The following CCNE2 variants were observed in gnomAD, a reference collection of about 807,000 sequenced individuals.
CCNE2 encodes the protein G1/S-specific cyclin-E2.
In CCNE2, 18 loss-of-function variants were observed where a neutral mutation model predicts 56.8. The observed-to-expected ratio is 0.32, with a 90% CI of 0.22 to 0.47. The LOEUF (loss-of-function observed/expected upper bound fraction) is 0.47. CCNE2 is among the 20% of genes least tolerant of loss of function. CCNE2 has a pLI of 1.00. For synonymous variants in CCNE2, 139 were observed against 149.2 expected (o/e 0.93, Z 0.50); for missense variants, 371 against 467.1 (o/e 0.79, Z 1.90).
At chr8:94,891,613 G>A (rs983805684) in intron 5 of CCNE2, 14 of 410,010 alleles carry the variant, frequency 3.4e-5, no homozygotes, top group African/African-American at 1.7e-4. Context: ...AGCCGAGATC[G>A]TGCCACTGCA....
At chr8:94,887,775 C>T in intron 7 of CCNE2, 152 bp downstream of exon 7, 1 of 471,214 alleles carries the variant, frequency 2.1e-6, no homozygotes, top group East Asian at 3.8e-5. Context: ...ATCATTCATC[C>T]CTGTGGTAAT....
At chr8:94,895,318 G>A, upstream of CCNE2, 4 of 940,772 alleles carry the variant, frequency 4.3e-6, no homozygotes, top group Non-Finnish European at 5.1e-6. Flanking sequence ...CCGCCCGCGT[G>A]CCCGCGCGCC....
chr8:94,881,521 T>C lies in CCNE2; in HGVS notation c.*111A>G. The C allele has an allele frequency of 1.0e-6, 1 of 1,000,444 alleles. No homozygotes were observed. Among genetic ancestry groups the C allele is most frequent in the Non-Finnish European group, 1.5e-6 (1 of 688,872 alleles). The allele number at this position is 1,000,444 out of a possible 1,614,324, so 62.0% of individuals were successfully genotyped here. On this transcript the variant is annotated 3_prime_UTR_variant, in exon 12 of 12. Transcript: ENST00000308108. ...TCAGAATGGCAGTGTAACTTGTGAA[T>C]TGGCTAGGGCAATCAATCACAGCAC...
upstream of CCNE2, chr8:94,896,639 G>C (rs1304490446): frequency 6.6e-6 from 1 of 152,070 alleles, no homozygotes; most frequent in Non-Finnish European, 1.5e-5. Flanking sequence ...GAGCGAGCCG[G>C]ACGGCGAGCG....
Position 94,892,842 on chromosome 8 carries a change from T to C in CCNE2, c.293A>G (p.Asn98Ser), listed in dbSNP as rs774133677. Residue 98 changes from asparagine to serine, a missense_variant, in exon 5 of 12, where the codon AAT becomes AGT. Transcript: ENST00000308108. ...CCTTAAATCAGGCAAAGGTGAAGGA[T>C]TAATAAAAAGATTTTTAAATCTGTA... ...TNYRFKNLFI[N>S]PSPLPDLSWG... 7.6e-6 allele frequency: 11 copies of C among 1,456,918 alleles called. No homozygotes were observed. In the South Asian group the frequency reaches 1.3e-4, roughly 18 times the overall value. The allele number at this position is 1,456,918 out of a possible 1,614,324, so 90.2% of individuals were successfully genotyped here.
At chr8:94,885,836 A>G (rs1395618745) in intron 7 of CCNE2, among the ~76,000 whole-genome samples, 3 of 146,968 alleles carry the variant, frequency 2.0e-5, no homozygotes, top group South Asian at 2.1e-4. Flanking sequence ...CTTGGGTCTC[A>G]GCCTCCCCAG....
intron 5 of CCNE2, chr8:94,891,552 G>T: frequency 3.0e-6 from 1 of 334,014 alleles, no homozygotes; most frequent in Non-Finnish European, 5.7e-6. Flanking sequence ...CAGCTACTCA[G>T]GAGGCTGAGG....
Position 94,881,721 on chromosome 8 carries a change from A to T in CCNE2, c.1126T>A (p.Phe376Ile). 6.2e-7 allele frequency: 1 copy of T among 1,613,708 alleles called. No individual in the cohort carries two copies. The highest frequency in any genetic ancestry group is 8.5e-7 in the Non-Finnish European group (1 of 1,179,826). ...MLEEVNYINT[F>I]RKGGQLSPVC... Reference sequence around the variant, plus strand: ...GGTGACAACTGTCCCCCTTTTCTGAAGGTGTTTATGTAATTTACTTCCTCC... The same window carrying T: ...GGTGACAACTGTCCCCCTTTTCTGATGGTGTTTATGTAATTTACTTCCTCC... Residue 376 changes from phenylalanine to isoleucine, a missense_variant, in exon 12 of 12, where the codon TTC (phenylalanine) becomes ATC (isoleucine). By Grantham distance (21) the Phe-to-Ile change is conservative. Coordinates refer to ENST00000308108, the MANE Select transcript of CCNE2 (RefSeq NM_057749.3).
chr8:94,885,183 A>G lies in CCNE2; in HGVS notation c.715T>C (p.Cys239Arg), dbSNP rs753681680. Residue 239 changes from cysteine to arginine, a missense_variant, in exon 9 of 12, where the codon TGT (cysteine) becomes CGT (arginine). Coordinates refer to ENST00000308108, the MANE Select transcript of CCNE2 (RefSeq NM_057749.3). ...AGCCAGGAGATGATTGTTACAGGAC[A>G]AAGTTCCCATTTTAAAGCCTATTAA... Reference protein sequence around the residue: ...IILKALKWELCPVTIISWLNL... With the variant: ...IILKALKWELRPVTIISWLNL... The G allele has an allele frequency of 2.2e-5, 35 of 1,613,584 alleles. No homozygotes were observed. Among genetic ancestry groups the G allele is most frequent in the Non-Finnish European group, 2.8e-5 (33 of 1,179,776 alleles).
At position 94,895,199 on chromosome 8, in the gene CCNE2, C is replaced by G; in HGVS notation, c.-49G>C. 1 of 985,934 alleles carries G rather than the reference C, an allele frequency of 1.0e-6. No individual in the cohort carries two copies. The highest frequency in any genetic ancestry group is 1.2e-6 in the Non-Finnish European group (1 of 830,358). The allele number at this position is 985,934 out of a possible 1,614,324, so 61.1% of individuals were successfully genotyped here. On this transcript the variant is annotated 5_prime_UTR_variant, in exon 1 of 12. Coordinates refer to ENST00000308108, the MANE Select transcript of CCNE2 (RefSeq NM_057749.3). ...CACCGCCAGACCAGCTACCGCTCGG[C>G]TCAGCTGGCGCCGGCGCCAACCCAA...
At chr8:94,893,023 T>C in intron 4 of CCNE2, 54 bp from the exon 5 acceptor site, 2 of 1,374,618 alleles carry the variant, frequency 1.5e-6, no homozygotes, top group Non-Finnish European at 2.0e-6. Flanking sequence ...CCTTAGTTTT[T>C]GTAATGGATC....
intron 9 of CCNE2, chr8:94,884,017 T>A (rs1379111771): frequency 2.0e-5 from 8 of 407,318 alleles, no homozygotes; most frequent in South Asian, 8.5e-5. Context: ...ATCAGAAGGG[T>A]ATAGCTGCCT....
chr8:94,891,940 T>C, intron 5 of CCNE2: 1 of 1,161,382 alleles, frequency 8.6e-7, no homozygotes. Context: ...CCAACGGACC[T>C]ACAGAGCTCA....
At chr8:94,887,545 A>T (rs1817084469) in intron 7 of CCNE2, among the ~76,000 whole-genome samples, 1 of 152,148 alleles carries the variant, frequency 6.6e-6, no homozygotes, top group Non-Finnish European at 1.5e-5. Flanking sequence ...CATTATTCTA[A>T]CCCAACACAG....
chr8:94,893,850 C>T (rs760069068), intron 4 of CCNE2, 41 bp downstream of exon 4: 4 of 1,549,872 alleles, frequency 2.6e-6, no homozygotes, highest in East Asian at 2.2e-5. Flanking sequence ...CATCTATCCT[C>T]CATTTTTCCC....
At chr8:94,896,614 G>C (rs953926565), upstream of CCNE2, 1 of 152,062 alleles carries the variant, frequency 6.6e-6, no homozygotes, top group Non-Finnish European at 1.5e-5. Flanking sequence ...GGCGGGCCGC[G>C]TCTGCCCAGG....
rs765935700 is a variant in CCNE2 at position 94,882,770 on chromosome 8, G to T, written c.943+11C>A. The T allele has an allele frequency of 2.9e-5, 45 of 1,555,256 alleles. No individual in the cohort carries two copies. In the South Asian group the frequency reaches 4.9e-4, roughly 17 times the overall value. ...TGAAAAGGTAAGAAGACAACAAATA[G>T]AGAGTCTTACCTGAGGCTTTCTTAA... On this transcript the variant is annotated intron_variant, in intron 10 of 11. Coordinates refer to ENST00000308108, the MANE Select transcript of CCNE2 (RefSeq NM_057749.3).
chr8:94,881,111 A>G lies in CCNE2; in HGVS notation c.*521T>C, dbSNP rs1285716597. On this transcript the variant is annotated 3_prime_UTR_variant, in exon 12 of 12. Coordinates refer to ENST00000308108, the MANE Select transcript of CCNE2 (RefSeq NM_057749.3). Reference sequence around the variant, plus strand: ...TTTATAATAGCTTGCTATAGCAGCTATAGATAAATTAGTCACCTTATTACA... The same window carrying G: ...TTTATAATAGCTTGCTATAGCAGCTGTAGATAAATTAGTCACCTTATTACA... 1.0e-5 allele frequency: 4 copies of G among 396,732 alleles called. No individual in the cohort carries two copies. The highest frequency in any genetic ancestry group is 1.8e-5 in the Non-Finnish European group (4 of 225,128). 24.6% of individuals were successfully genotyped at this position (396,732 alleles called of 1,614,324 possible). A position where few individuals can be genotyped will look rare whatever the true frequency, so the allele number is the denominator to read the frequency against.
chr8:94,888,277 T>G (rs1817106315), intron 6 of CCNE2, among the ~76,000 whole-genome samples: 1 of 152,226 alleles, frequency 6.6e-6, no homozygotes, highest in African/African-American at 2.4e-5. Context: ...ATAGTTTTTC[T>G]TACCTCATTT....
Sources: allele counts gnomAD v4.1 joint callset (sites outside exome capture counted in the v4.1 genomes callset), GRCh38; gene constraint gnomAD v4.1.1; transcripts MANE v1.5; gene names NCBI Gene and HGNC (gene_info 2026-07-23, HGNC 2026-07-21).